The following KCNU1 variants were observed in gnomAD, a reference collection of about 807,000 sequenced individuals.
The protein encoded by KCNU1 is potassium calcium-activated channel subfamily U member 1, also known as potassium channel subfamily U member 1.
In KCNU1, 93 loss-of-function variants were observed where a neutral mutation model predicts 126.8. The ratio of observed to expected loss-of-function variants is 0.73; its 90% CI spans 0.62 to 0.87. KCNU1 has a LOEUF of 0.87. Ranked by LOEUF, KCNU1 falls within the 40% of genes least tolerant of loss-of-function variation. The pLI is 0.00. For missense variants in KCNU1, 1,330 were observed against 1,367.1 expected, an observed-to-expected ratio of 0.97 and a Z score of 0.43; for synonymous variants, 523 against 494.2, an observed-to-expected ratio of 1.06 and a Z score of -0.77.
At chr8:36,903,732 A>G (rs979413804) in intron 19 of KCNU1, among the ~76,000 whole-genome samples, 7 of 152,172 alleles carry the variant, frequency 4.6e-5, no homozygotes, top group African/African-American at 1.7e-4. Context: ...TGAGTAATTT[A>G]TAAAGGAAAG....
chr8:36,905,651 T>G, intron 19 of KCNU1, 57 bp from the exon 20 acceptor site: 1 of 931,442 alleles, frequency 1.1e-6, no homozygotes, highest in Admixed American at 1.7e-5. Context: ...ACATCTCGGC[T>G]TTGTTACAGA....
intron 23 of KCNU1, among the ~76,000 whole-genome samples, chr8:36,921,655 T>G (rs1585569237): frequency 3.1e-4 from 19 of 62,156 alleles, no homozygotes; most frequent in South Asian, 1.3e-3. Context: ...GGCGATGAAG[T>G]GAGGAAAAAA....
In KCNU1 at chr8:36,840,447, T is replaced by C; in HGVS notation, c.1519-16T>C. 4.7e-6 allele frequency: 6 copies of C among 1,271,490 alleles called. No homozygotes were observed. The highest frequency in any genetic ancestry group is 5.7e-6 in the Non-Finnish European group (5 of 873,132). 78.8% of individuals were successfully genotyped at this position (1,271,490 alleles called of 1,614,324 possible). ...CCTTGTCGTTTTGCTTCGTGTGGCA[T>C]GATTATGTATTCCAGGTTATGCCTA... On this transcript the variant is annotated splice_polypyrimidine_tract_variant and intron_variant, in intron 14 of 26. Coordinates refer to ENST00000399881, the MANE Select transcript of KCNU1 (RefSeq NM_001031836.3).
chr8:36,802,419 A>G (rs1401161073), intron 2 of KCNU1, among the ~76,000 whole-genome samples: 2 of 152,142 alleles, frequency 1.3e-5, no homozygotes, highest in South Asian at 4.1e-4. Flanking sequence ...TTTGTGGCTC[A>G]TTGTTGGCTA....
rs192955943 is a variant in KCNU1, at chr8:36,865,979, C to T, written c.2009+1458C>T. Among the ~76,000 whole-genome samples the T allele has an allele frequency of 7.7e-4, 117 of 152,036 alleles. 3 individuals carry two copies. Among genetic ancestry groups the T allele is most frequent in the East Asian group, 1.2e-3 (6 of 5,156 alleles). On this transcript the variant is annotated intron_variant, in intron 19 of 26. Transcript: ENST00000399881. The stretch of plus-strand genomic sequence containing the variant: ...GCTTATATGTGGACTCTAAAATAGC[C>T]AAACTCATAGGAACAGAGTGGAATG...
chr8:36,794,828 C>T (rs972094748), intron 2 of KCNU1, among the ~76,000 whole-genome samples: 1 of 152,082 alleles, frequency 6.6e-6, no homozygotes, highest in African/African-American at 2.4e-5. Flanking sequence ...AATTGAGAGG[C>T]TGAGGTGGGA....
At chr8:36,933,835 CT>C (rs1352574352) in intron 26 of KCNU1, among the ~76,000 whole-genome samples, 1 of 151,972 alleles carries the variant, frequency 6.6e-6, no homozygotes, top group Non-Finnish European at 1.5e-5. Context: ...TAGGTGAGGG[CT>C]GTGTTTATGG....
At chr8:36,898,333 A>T (rs1212134172) in intron 19 of KCNU1, among the ~76,000 whole-genome samples, 1 of 151,998 alleles carries the variant, frequency 6.6e-6, no homozygotes, top group Non-Finnish European at 1.5e-5. Flanking sequence ...TCACACCAGT[A>T]ACATTTTGAT....
chr8:36,879,805 C>A (rs1806406940), intron 19 of KCNU1, among the ~76,000 whole-genome samples: 1 of 152,140 alleles, frequency 6.6e-6, no homozygotes, highest in South Asian at 2.1e-4. Context: ...TTTCTCAGAT[C>A]TTCTGGAAGG....
At chr8:36,811,660 G>C (rs551027796) in intron 7 of KCNU1, among the ~76,000 whole-genome samples, 4 of 152,266 alleles carry the variant, frequency 2.6e-5, no homozygotes, top group South Asian at 2.1e-4. Flanking sequence ...GGCTGGGCAC[G>C]GTGGCTCACG....
chr8:36,835,347 T>C (rs1401241482), intron 12 of KCNU1, among the ~76,000 whole-genome samples: 2 of 150,284 alleles, frequency 1.3e-5, no homozygotes, highest in African/African-American at 4.9e-5. Flanking sequence ...TCTTTTCTTT[T>C]CTTTTTTTTT....
At chr8:36,915,382 T>C (rs1207513425) in intron 22 of KCNU1, among the ~76,000 whole-genome samples, 1 of 152,240 alleles carries the variant, frequency 6.6e-6, no homozygotes, top group African/African-American at 2.4e-5. Context: ...ATCTTGGGCA[T>C]GGTATGTAAA....
chr8:36,914,490 G>A (rs1808019485), intron 22 of KCNU1, among the ~76,000 whole-genome samples: 1 of 152,172 alleles, frequency 6.6e-6, no homozygotes, highest in Non-Finnish European at 1.5e-5. Flanking sequence ...AGGGATCAGT[G>A]GGCTTTTCCA....
chr8:36,807,863 C>T (rs1303947820), intron 6 of KCNU1, among the ~76,000 whole-genome samples: 2 of 151,980 alleles, frequency 1.3e-5, no homozygotes, highest in Non-Finnish European at 2.9e-5. Flanking sequence ...GACAATTCCT[C>T]GAAGCATACA....
At chr8:36,829,712 T>C (rs1804460120) in intron 10 of KCNU1, among the ~76,000 whole-genome samples, 1 of 151,370 alleles carries the variant, frequency 6.6e-6, no homozygotes, top group Non-Finnish European at 1.5e-5. Context: ...AGATGCAGCA[T>C]TGACTGCTTT....
At chr8:36,873,631 C>G (rs1806181348) in intron 19 of KCNU1, among the ~76,000 whole-genome samples, 1 of 152,172 alleles carries the variant, frequency 6.6e-6, no homozygotes, top group South Asian at 2.1e-4. Context: ...GCCCTTTTCT[C>G]TCCCTGCTCT....
intron 2 of KCNU1, chr8:36,795,135 A>C (rs139936941): frequency 6.6e-6 from 1 of 152,348 alleles, no homozygotes; most frequent in Middle Eastern, 3.4e-3. Context: ...ACATTGCTCA[A>C]TGGTTCTTGT....
At chr8:36,849,103 T>C (rs1042648970) in intron 18 of KCNU1, among the ~76,000 whole-genome samples, 1 of 152,070 alleles carries the variant, frequency 6.6e-6, no homozygotes, top group African/African-American at 2.4e-5. Context: ...CCATAGCCAA[T>C]AGAAGTCACT....
chr8:36,833,188 T>C (rs1205285040), intron 10 of KCNU1, among the ~76,000 whole-genome samples: 1 of 152,132 alleles, frequency 6.6e-6, no homozygotes, highest in Non-Finnish European at 1.5e-5. Context: ...GTGATGATTG[T>C]TTTCTGCTTG....
Sources: allele counts gnomAD v4.1 joint callset (sites outside exome capture counted in the v4.1 genomes callset), GRCh38; gene constraint gnomAD v4.1.1; transcripts MANE v1.5; gene names NCBI Gene and HGNC (gene_info 2026-07-23, HGNC 2026-07-21).